DLGAP2: variants seen among roughly 807,000 people sequenced by gnomAD.
The protein encoded by DLGAP2 is disks large-associated protein 2.
A neutral mutation model predicts 100.3 loss-of-function variants in DLGAP2; 26 were observed. The ratio of observed to expected loss-of-function variants is 0.26; its 90% CI spans 0.19 to 0.36. DLGAP2 has a LOEUF of 0.36. Among genes scored for constraint, DLGAP2 ranks in the 10% least tolerant of loss-of-function variants. The pLI, the probability that DLGAP2 is intolerant of heterozygous loss-of-function variation, is 1.00. For synonymous variants in DLGAP2, 886 were observed against 630.1 expected (o/e 1.41, Z -6.08); for missense variants, 1,858 against 1,453.2 (o/e 1.28, Z -4.53).
In DLGAP2 at chr8:1,355,493, TAGC is replaced by T. The variant is rs1466036417; in HGVS notation, c.106+96611_106+96613del. ...GATTCTCCTGCCTCAACCTCCTGAG[TAGC>T]TGGGATTACAGGTGTGTGCCACCAT... On this transcript the variant is annotated intron_variant, in intron 3 of 14. Coordinates refer to ENST00000637795, the MANE Select transcript of DLGAP2 (RefSeq NM_001346810.2). 6.6e-4 allele frequency among the ~76,000 whole-genome samples: 101 copies of T among 152,174 alleles called. 1 individual carries two copies. Among genetic ancestry groups the T allele is most frequent in the African/African-American group, 2.3e-3 (97 of 41,524 alleles).
At chr8:1,038,417 A>G (rs760227145) in intron 2 of DLGAP2, among the ~76,000 whole-genome samples, 1 of 152,186 alleles carries the variant, frequency 6.6e-6, no homozygotes, top group Admixed American at 6.5e-5. Context: ...AGTCCAGGAA[A>G]CAAGAAAAAC....
intron 3 of DLGAP2, among the ~76,000 whole-genome samples, chr8:1,357,129 G>A (rs925216025): frequency 1.3e-5 from 2 of 152,014 alleles, no homozygotes; most frequent in African/African-American, 4.8e-5. Context: ...AGTGTCTACT[G>A]CAGAAGACGT....
intron 2 of DLGAP2, among the ~76,000 whole-genome samples, chr8:1,069,308 C>T (rs1224755195): frequency 2.6e-5 from 4 of 152,190 alleles, no homozygotes; most frequent in Non-Finnish European, 4.4e-5. Flanking sequence ...GGACAGGTCG[C>T]GAGGAGGCCG....
intron 1 of DLGAP2, among the ~76,000 whole-genome samples, chr8:755,570 G>A (rs1264097932): frequency 1.3e-5 from 2 of 152,218 alleles, no homozygotes; most frequent in African/African-American, 2.4e-5. Flanking sequence ...CGGAGAAGCG[G>A]CATTTGAGGT....
At chr8:1,078,234 T>G (rs1803689660) in intron 2 of DLGAP2, among the ~76,000 whole-genome samples, 1 of 152,196 alleles carries the variant, frequency 6.6e-6, no homozygotes, top group East Asian at 1.9e-4. Context: ...TGGCTTGCAC[T>G]GTTTTTTAAA....
intron 6 of DLGAP2, among the ~76,000 whole-genome samples, chr8:1,613,209 G>A (rs1481388468): frequency 1.4e-5 from 2 of 143,702 alleles, no homozygotes; most frequent in African/African-American, 2.6e-5. Context: ...ATACTATGCA[G>A]CCATAAAAAA....
At chr8:1,296,810 C>G (rs539431944) in intron 3 of DLGAP2, among the ~76,000 whole-genome samples, 1 of 152,224 alleles carries the variant, frequency 6.6e-6, no homozygotes, top group East Asian at 1.9e-4. Context: ...GGTGCACAGC[C>G]GCACCGGAGC....
chr8:1,389,362 G>A, intron 3 of DLGAP2, among the ~76,000 whole-genome samples: 1 of 151,996 alleles, frequency 6.6e-6, no homozygotes, highest in African/African-American at 2.4e-5. Flanking sequence ...AGCATCCCGG[G>A]GAAGCCAGAG....
At chr8:997,240 C>T (rs897386797) in intron 2 of DLGAP2, among the ~76,000 whole-genome samples, 5 of 152,032 alleles carry the variant, frequency 3.3e-5, no homozygotes, top group African/African-American at 1.2e-4. Flanking sequence ...AATATTAACC[C>T]CTACTGATTT....
At chr8:1,220,539 G>A (rs11779225) in intron 2 of DLGAP2, among the ~76,000 whole-genome samples, 87,657 of 151,984 alleles carry the variant, frequency 0.58, 27,520 homozygotes, top group African/African-American at 0.82. Flanking sequence ...TATCAATCTT[G>A]GAATATGTGC....
intron 4 of DLGAP2, among the ~76,000 whole-genome samples, chr8:1,520,820 C>G (rs1800569854): frequency 6.6e-6 from 1 of 152,202 alleles, no homozygotes; most frequent in African/African-American, 2.4e-5. Flanking sequence ...CTATACACAT[C>G]TGTGTGCGGG....
rs563919066 is a variant in DLGAP2 at position 1,324,372 on chromosome 8, A to T, written c.106+65489A>T. On this transcript the variant is annotated intron_variant, in intron 3 of 14. Coordinates refer to ENST00000637795, the MANE Select transcript of DLGAP2 (RefSeq NM_001346810.2). ...ACTTAGTCCTGAGTTTGACTTTACA[A>T]CACTGTAAGAAAGTTAGATTGATGT... Among the ~76,000 whole-genome samples, 3 of 152,340 alleles carry T rather than the reference A, an allele frequency of 2.0e-5. No individual in the cohort carries two copies. In the East Asian group the frequency reaches 5.8e-4, roughly 29 times the overall value.
chr8:1,314,991 C>T (rs532372163), intron 3 of DLGAP2, among the ~76,000 whole-genome samples: 16 of 152,328 alleles, frequency 1.1e-4, no homozygotes, highest in South Asian at 2.1e-4. Flanking sequence ...TCTAAGCCGC[C>T]GTTGCGTGTT....
chr8:1,525,531 A>G (rs1324244523), intron 4 of DLGAP2, among the ~76,000 whole-genome samples: 1 of 152,232 alleles, frequency 6.6e-6, no homozygotes, highest in East Asian at 1.9e-4. Context: ...TCCTCAGAAA[A>G]TGGAAGAACT....
chr8:1,674,514 G>C (rs1315638908), intron 10 of DLGAP2, among the ~76,000 whole-genome samples: 1 of 152,212 alleles, frequency 6.6e-6, no homozygotes, highest in Non-Finnish European at 1.5e-5. Context: ...GTTTAGGCTG[G>C]ATTCCTAGAA....
chr8:818,048 G>T (rs553087319), intron 1 of DLGAP2, among the ~76,000 whole-genome samples: 1 of 152,150 alleles, frequency 6.6e-6, no homozygotes, highest in East Asian at 1.9e-4. Context: ...CAGTGGGCAG[G>T]GCCATAGAGC....
At chr8:1,244,736 C>G (rs1475200755) in intron 2 of DLGAP2, among the ~76,000 whole-genome samples, 1 of 152,042 alleles carries the variant, frequency 6.6e-6, no homozygotes, top group Non-Finnish European at 1.5e-5. Context: ...GAGATGACAC[C>G]CAAAGCGCAA....
chr8:950,419 C>CT (rs1799448751), intron 2 of DLGAP2, among the ~76,000 whole-genome samples: 2 of 152,134 alleles, frequency 1.3e-5, no homozygotes, highest in Admixed American at 6.5e-5. Flanking sequence ...TTACCAAGCG[C>CT]TTCCTGCGGG....
intron 3 of DLGAP2, among the ~76,000 whole-genome samples, chr8:1,474,851 T>G (rs1288834272): frequency 6.6e-6 from 1 of 152,206 alleles, no homozygotes; most frequent in Admixed American, 6.5e-5. Context: ...AGAGTTGAAC[T>G]ACCGTTTGAC....
Sources: gnomAD v4.1 joint callset for allele counts (sites outside exome capture counted in the v4.1 genomes callset) on GRCh38, gnomAD v4.1.1 for gene constraint, MANE v1.5 for transcripts, NCBI Gene and HGNC (gene_info 2026-07-23, HGNC 2026-07-21) for gene names.